Variants in CPE observed in about 807,000 individuals in gnomAD.
CPE encodes carboxypeptidase E.
Under a neutral mutation model 53.5 loss-of-function variants are expected in CPE, and 17 were observed. The observed-to-expected ratio is 0.32, with a 90% confidence interval of 0.22 to 0.48. CPE has a LOEUF of 0.48. Ranked by LOEUF, CPE falls within the 20% of genes least tolerant of loss-of-function variation. The pLI, the probability that CPE is intolerant of heterozygous loss-of-function variation, is 0.99. For missense variants in CPE, 524 were observed against 614.7 expected (o/e 0.85, Z 1.56); for synonymous variants, 226 against 228.8 (o/e 0.99, Z 0.11).
chr4:165,464,232 T>G (rs1012108506), intron 1 of CPE, among the ~76,000 whole-genome samples, 158 bp from the exon 2 acceptor site: 3 of 152,026 alleles, frequency 2.0e-5, no homozygotes, highest in African/African-American at 7.2e-5. Flanking sequence ...AATAGAAGGA[T>G]AGAAGGGGTA....
intron 1 of CPE, among the ~76,000 whole-genome samples, chr4:165,447,759 T>C (rs1731742430): frequency 6.6e-6 from 1 of 152,122 alleles, no homozygotes; most frequent in Admixed American, 6.5e-5. Flanking sequence ...TTCTCTTATA[T>C]CCTATTCTAT....
intron 1 of CPE, among the ~76,000 whole-genome samples, chr4:165,437,528 C>G (rs1343476231): frequency 1.3e-5 from 2 of 152,130 alleles, no homozygotes; most frequent in Non-Finnish European, 2.9e-5. Flanking sequence ...CTCAGGCAGT[C>G]TGCCAGATCC....
chr4:165,428,577 G>A (rs913714450), intron 1 of CPE, among the ~76,000 whole-genome samples: 28 of 152,184 alleles, frequency 1.8e-4, no homozygotes, highest in African/African-American at 6.8e-4. Context: ...TAAAACAACG[G>A]AAATTTATCC....
In CPE at chr4:165,489,597, A is replaced by T. The variant is rs191522273; in HGVS notation, c.1113+2020A>T. 4.6e-5 allele frequency among the ~76,000 whole-genome samples: 7 copies of T among 152,320 alleles called. No individual in the cohort carries two copies. In the East Asian group the frequency reaches 1.3e-3, roughly 29 times the overall value. On this transcript the variant is annotated intron_variant, in intron 6 of 8. Transcript: ENST00000402744. The stretch of plus-strand genomic sequence containing the variant: ...AGGCTTCTTGGAGCCGGGCTATAAG[A>T]TTTACTAAAGTTGATGCCAATAAGA...
chr4:165,451,192 C>T (rs1396540261), intron 1 of CPE, among the ~76,000 whole-genome samples: 1 of 152,192 alleles, frequency 6.6e-6, no homozygotes, highest in Admixed American at 6.5e-5. Context: ...AGGTCTGAAT[C>T]AGGCCGATGT....
chr4:165,433,175 C>T (rs1461614390), intron 1 of CPE, among the ~76,000 whole-genome samples: 1 of 152,112 alleles, frequency 6.6e-6, no homozygotes, highest in Non-Finnish European at 1.5e-5. Flanking sequence ...AAGTTACTTT[C>T]CTTGTTAGGC....
intron 1 of CPE, chr4:165,381,491 A>T (rs963411979): frequency 8.6e-6 from 3 of 349,846 alleles, no homozygotes; most frequent in African/African-American, 2.1e-5. Context: ...CGTTGATTGA[A>T]TTCCTCTTAC....
chr4:165,400,986 A>T (rs1579244061), intron 1 of CPE, among the ~76,000 whole-genome samples: 1 of 152,176 alleles, frequency 6.6e-6, no homozygotes, highest in African/African-American at 2.4e-5. Context: ...ATTATGAGTT[A>T]TCCCAGCTCT....
At chr4:165,409,806 T>C (rs1265025505) in intron 1 of CPE, among the ~76,000 whole-genome samples, 2 of 152,186 alleles carry the variant, frequency 1.3e-5, no homozygotes, top group Admixed American at 1.3e-4. Flanking sequence ...TTCATATTGT[T>C]GAATTTGGTA....
intron 1 of CPE, chr4:165,406,139 T>G (rs1201088649): frequency 1.3e-6 from 1 of 747,878 alleles, no homozygotes; most frequent in Non-Finnish European, 2.5e-6. Flanking sequence ...GAACTCTGAA[T>G]GCAGCTGTTT....
intron 7 of CPE, 112 bp from the exon 8 acceptor site, chr4:165,495,447 T>A (rs1732689783): frequency 1.6e-6 from 1 of 641,826 alleles, no homozygotes; most frequent in Admixed American, 2.7e-5. Context: ...AAATCGAGAA[T>A]CAAAAAAGGT....
intron 1 of CPE, among the ~76,000 whole-genome samples, chr4:165,449,127 A>C (rs1731766960): frequency 6.6e-6 from 1 of 152,240 alleles, no homozygotes; most frequent in Non-Finnish European, 1.5e-5. Context: ...GGTAAGCCCA[A>C]AAGTACATGA....
At chr4:165,403,281 G>A (rs1366951253) in intron 1 of CPE, among the ~76,000 whole-genome samples, 1 of 152,022 alleles carries the variant, frequency 6.6e-6, no homozygotes, top group Non-Finnish European at 1.5e-5. Flanking sequence ...ACCAGGAAAG[G>A]CTCATGTCAA....
chr4:165,469,699 T>G (rs1367503786), intron 3 of CPE, among the ~76,000 whole-genome samples: 1 of 152,216 alleles, frequency 6.6e-6, no homozygotes, highest in Non-Finnish European at 1.5e-5. Context: ...ATACACCTGT[T>G]TTCCCCTTTG....
intron 1 of CPE, chr4:165,406,131 A>G (rs552651061): frequency 2.7e-6 from 2 of 751,760 alleles, no homozygotes; most frequent in African/African-American, 3.4e-5. Flanking sequence ...ACTTCCGTGA[A>G]CTCTGAATGC....
chr4:165,484,949 G>T (rs958968184), intron 5 of CPE, among the ~76,000 whole-genome samples: 1 of 152,172 alleles, frequency 6.6e-6, no homozygotes, highest in African/African-American at 2.4e-5. Flanking sequence ...TGCCAGTCAT[G>T]CTCTTTCACT....
chr4:165,387,829 T>C (rs1730618893), intron 1 of CPE, among the ~76,000 whole-genome samples: 1 of 151,958 alleles, frequency 6.6e-6, no homozygotes, highest in South Asian at 2.1e-4. Context: ...TCCATGTTGG[T>C]CAGGCTTGTC....
intron 3 of CPE, among the ~76,000 whole-genome samples, chr4:165,479,436 G>T (rs79735961): frequency 6.6e-6 from 1 of 152,128 alleles, no homozygotes; most frequent in Non-Finnish European, 1.5e-5. Flanking sequence ...GAAAACTTTC[G>T]TAAGGATGTA....
At chr4:165,475,369 A>G (rs943548254) in intron 3 of CPE, among the ~76,000 whole-genome samples, 4 of 152,206 alleles carry the variant, frequency 2.6e-5, no homozygotes, top group African/African-American at 9.6e-5. Context: ...GCCACCAGAC[A>G]GGGGATGAGT....
Sources: allele counts gnomAD v4.1 joint callset (sites outside exome capture counted in the v4.1 genomes callset), GRCh38; gene constraint gnomAD v4.1.1; transcripts MANE v1.5; gene names NCBI Gene and HGNC (gene_info 2026-07-23, HGNC 2026-07-21).